The following SLC26A3 variants were observed in gnomAD, a reference collection of about 807,000 sequenced individuals.
SLC26A3 encodes the protein solute carrier family 26 member 3, also known as chloride anion exchanger.
SLC26A3 carries 64 observed loss-of-function variants against 85.6 expected under a neutral mutation model. The observed-to-expected ratio is 0.75, with a 90% CI of 0.61 to 0.92. SLC26A3 has a LOEUF of 0.92. Among genes scored for constraint, SLC26A3 ranks in the 40% least tolerant of loss-of-function variants. SLC26A3 has a pLI of 0.00. For missense variants in SLC26A3, 922 were observed against 927.3 expected, an observed-to-expected ratio of 0.99 and a Z score of 0.07; for synonymous variants, 349 against 336.0, an observed-to-expected ratio of 1.04 and a Z score of -0.42.
intron 5 of SLC26A3, among the ~76,000 whole-genome samples, chr7:107,790,423 A>G (rs896499761): frequency 6.6e-6 from 1 of 152,226 alleles, no homozygotes; most frequent in African/African-American, 2.4e-5. Context: ...ATGTCCTTGT[A>G]GAAACTGACT....
At chr7:107,796,907 T>G (rs1454858651) in intron 1 of SLC26A3, among the ~76,000 whole-genome samples, 1 of 152,172 alleles carries the variant, frequency 6.6e-6, no homozygotes, top group African/African-American at 2.4e-5. Context: ...TTCACAGAAA[T>G]TTATTAGTTG....
At chr7:107,794,726 TTGTGTTTTG>T in intron 1 of SLC26A3, 129 bp from the exon 2 acceptor site, 2 of 554,738 alleles carry the variant, frequency 3.6e-6, no homozygotes. Context: ...GGGACCTAGA[TTGTGTTTTG>T]CGACAGCGAT....
chr7:107,785,872 G>A (rs1794286531), intron 8 of SLC26A3, among the ~76,000 whole-genome samples: 1 of 152,072 alleles, frequency 6.6e-6, no homozygotes, highest in Non-Finnish European at 1.5e-5. Context: ...CTTAAGCATA[G>A]AGAGGGAGAG....
intron 3 of SLC26A3, 147 bp from the exon 4 acceptor site, chr7:107,792,087 TA>T: frequency 1.7e-6 from 1 of 598,128 alleles, no homozygotes; most frequent in Non-Finnish European, 3.0e-6. Flanking sequence ...ATGTAAGAAC[TA>T]AAACTATAAA....
rs750533507 is a variant in SLC26A3, at chr7:107,779,653, A to G, written c.1407+15T>C. 12 of 1,578,222 alleles carry G rather than the reference A, an allele frequency of 7.6e-6. No individual in the cohort carries two copies. Among genetic ancestry groups the G allele is most frequent in the South Asian group, 1.1e-5 (1 of 90,402 alleles). ...GTGATTTATCTCTCTTTCAAATACT[A>G]TTGCCTCTACTTACACAATCATATT... On this transcript the variant is annotated intron_variant, in intron 12 of 20. Transcript: ENST00000340010.
At chr7:107,790,489 G>C (rs1794376393) in intron 5 of SLC26A3, among the ~76,000 whole-genome samples, 1 of 151,952 alleles carries the variant, frequency 6.6e-6, no homozygotes, top group Admixed American at 6.6e-5. Context: ...ATAAACTTAG[G>C]CAACATCTCA....
intron 6 of SLC26A3, among the ~76,000 whole-genome samples, chr7:107,788,710 A>C (rs1056572469): frequency 2.6e-5 from 4 of 151,158 alleles, no homozygotes. Flanking sequence ...GTTGATTTTC[A>C]GTATTGTTCC....
chr7:107,773,109 A>G (rs1361411217), intron 17 of SLC26A3, among the ~76,000 whole-genome samples: 1 of 152,234 alleles, frequency 6.6e-6, no homozygotes, highest in Non-Finnish European at 1.5e-5. Flanking sequence ...AAGAAAACAC[A>G]CTGCAATCTG....
At position 107,787,508 on chromosome 7, in the gene SLC26A3, A is replaced by C. The variant is rs753299095; in HGVS notation, c.737T>G (p.Val246Gly). ...TATTTGTGAGAATACAGAGTATAGT[A>C]CCTACAATTATAAAAACAAAAACCA... Reference protein sequence around the residue: ...SHTDPVSIFKVLYSVFSQIEK... With the variant: ...SHTDPVSIFKGLYSVFSQIEK... The change falls in exon 7 of 21, where the codon GTA (valine) becomes GGA (glycine). Residue 246 changes from valine to glycine, a missense_variant and splice_region_variant. Coordinates refer to ENST00000340010, the MANE Select transcript of SLC26A3 (RefSeq NM_000111.3). The C allele has an allele frequency of 1.7e-5, 27 of 1,612,536 alleles. No individual in the cohort carries two copies. The highest frequency in any genetic ancestry group is 2.3e-5 in the Non-Finnish European group (27 of 1,179,460).
chr7:107,782,887 A>G lies in SLC26A3; in HGVS notation c.1234-13T>C. The G allele has an allele frequency of 6.2e-7, 1 of 1,613,976 alleles. No individual in the cohort carries two copies. The highest frequency in any genetic ancestry group is 1.7e-5 in the Admixed American group (1 of 60,020). On this transcript the variant is annotated splice_polypyrimidine_tract_variant and intron_variant, in intron 10 of 20. Coordinates refer to ENST00000340010, the MANE Select transcript of SLC26A3 (RefSeq NM_000111.3). The stretch of plus-strand genomic sequence containing the variant: ...TAAGCCCAGCAATCTGTGAGGATAA[A>G]AAAATTATCATCACCAACTCAACTT...
chr7:107,770,821 G>T (rs370335865), intron 18 of SLC26A3, among the ~76,000 whole-genome samples: 4 of 152,308 alleles, frequency 2.6e-5, no homozygotes, highest in South Asian at 4.1e-4. Flanking sequence ...CCCTGGAAGA[G>T]ATATAGTCTA....
At chr7:107,774,948 C>T (rs1794086799) in intron 15 of SLC26A3, 76 bp from the exon 16 acceptor site, 3 of 1,120,648 alleles carry the variant, frequency 2.7e-6, no homozygotes, top group Non-Finnish European at 4.1e-6. Flanking sequence ...ACAACTTTAA[C>T]TGGAGTGATT....
chr7:107,801,824 A>T (rs186342846), intron 1 of SLC26A3, among the ~76,000 whole-genome samples: 1 of 151,056 alleles, frequency 6.6e-6, no homozygotes, highest in Non-Finnish European at 1.5e-5. Flanking sequence ...ACATGCCTGT[A>T]ATCCTAGCAC....
chr7:107,774,730 A>ACT, intron 16 of SLC26A3, 47 bp downstream of exon 16: 2 of 1,345,318 alleles, frequency 1.5e-6, no homozygotes, highest in Non-Finnish European at 2.1e-6. Context: ...ATCATCCTTT[A>ACT]CTAAGCTTTT....
intron 18 of SLC26A3, among the ~76,000 whole-genome samples, chr7:107,770,910 T>C (rs1794019912): frequency 6.6e-6 from 1 of 152,186 alleles, no homozygotes; most frequent in African/African-American, 2.4e-5. Flanking sequence ...GACCCGGTGC[T>C]CTGCCTGGGG....
intron 16 of SLC26A3, 76 bp from the exon 17 acceptor site, chr7:107,774,229 T>G (rs1163356876): frequency 2.9e-5 from 34 of 1,160,078 alleles, no homozygotes; most frequent in Middle Eastern, 2.0e-4. Flanking sequence ...CCAGTGAGTT[T>G]CAGAAGCACT....
At position 107,774,165 on chromosome 7, in the gene SLC26A3, G is replaced by A. The variant is rs1794071941; in HGVS notation, c.1774-12C>T. The A allele has an allele frequency of 4.4e-6, 7 of 1,591,032 alleles. No individual in the cohort carries two copies. The highest frequency in any genetic ancestry group is 5.2e-6 in the Non-Finnish European group (6 of 1,159,038). The stretch of plus-strand genomic sequence containing the variant: ...CATATAAATCCTTTCTGCAGGAGAG[G>A]ATAACAAGTATGAAAACTGTGACCA... On this transcript the variant is annotated splice_polypyrimidine_tract_variant and intron_variant, in intron 16 of 20. Coordinates refer to ENST00000340010, the MANE Select transcript of SLC26A3 (RefSeq NM_000111.3).
intron 18 of SLC26A3, among the ~76,000 whole-genome samples, chr7:107,769,201 AT>A (rs1038784918): frequency 6.6e-6 from 1 of 152,162 alleles, no homozygotes; most frequent in Admixed American, 6.5e-5. Context: ...CAAAAATACC[AT>A]TTGACCCAGC....
At chr7:107,778,334 T>C (rs1794155041) in intron 12 of SLC26A3, 53 bp from the exon 13 acceptor site, 7 of 1,077,532 alleles carry the variant, frequency 6.5e-6, no homozygotes, top group Non-Finnish European at 9.9e-6. Context: ...TAAAGTACAA[T>C]GTCGAGACGG....
Sources: gnomAD v4.1 joint callset for allele counts (sites outside exome capture counted in the v4.1 genomes callset) on GRCh38, gnomAD v4.1.1 for gene constraint, MANE v1.5 for transcripts, NCBI Gene and HGNC (gene_info 2026-07-23, HGNC 2026-07-21) for gene names.